Variants in CCDC83 observed in about 807,000 individuals in gnomAD.
CCDC83 encodes the protein coiled-coil domain containing 83, also known as coiled-coil domain-containing protein 83.
CCDC83 carries 54 observed loss-of-function variants against 50.1 expected under a neutral mutation model. The observed-to-expected ratio is 1.08, with a 90% CI of 0.87 to 1.35. The LOEUF (loss-of-function observed/expected upper bound fraction) is 1.35. CCDC83 is among the 40% of genes most tolerant of loss of function. The pLI is 0.00. For synonymous variants in CCDC83, 161 were observed against 153.3 expected (o/e 1.05, Z -0.37); for missense variants, 518 against 473.9 (o/e 1.09, Z -0.86).
chr11:85,889,057 G>A (rs1391194554), intron 5 of CCDC83, among the ~76,000 whole-genome samples: 4 of 152,224 alleles, frequency 2.6e-5, no homozygotes, highest in Admixed American at 2.6e-4. Context: ...TTGATCAGAA[G>A]TTTGGATGAT....
intron 1 of CCDC83, 140 bp downstream of exon 1, chr11:85,855,724 C>T (rs943371754): frequency 6.6e-6 from 1 of 152,310 alleles, no homozygotes; most frequent in African/African-American, 2.4e-5. Flanking sequence ...GCCCGGACAG[C>T]AACTAGGACA....
intron 3 of CCDC83, among the ~76,000 whole-genome samples, chr11:85,875,294 G>A (rs1009667598): frequency 6.6e-6 from 1 of 152,220 alleles, no homozygotes; most frequent in Non-Finnish European, 1.5e-5. Flanking sequence ...CAGGAAGGCG[G>A]GTTATCAATA....
intron 2 of CCDC83, among the ~76,000 whole-genome samples, chr11:85,871,173 AC>A (rs199772738): frequency 3.4e-5 from 5 of 147,756 alleles, no homozygotes; most frequent in African/African-American, 7.3e-5. Context: ...TTTCAAAAAA[AC>A]AAACAAACAA....
intron 6 of CCDC83, among the ~76,000 whole-genome samples, chr11:85,895,894 G>A (rs895239322): frequency 7.9e-5 from 12 of 152,108 alleles, no homozygotes; most frequent in African/African-American, 2.9e-4. Context: ...GCTCACTGCA[G>A]TCTTCACCTT....
chr11:85,905,642 T>C (rs111960287), intron 7 of CCDC83, among the ~76,000 whole-genome samples: 2,382 of 148,992 alleles, frequency 0.016, 70 homozygotes, highest in African/African-American at 0.055. Context: ...GTATTAACAA[T>C]TTTAAAACCT....
At chr11:85,895,271 T>TTTC in intron 5 of CCDC83, 22 bp from the exon 6 acceptor site, 1 of 723,718 alleles carries the variant, frequency 1.4e-6, no homozygotes. Flanking sequence ...TTTCTTTTTT[T>TTTC]TTTTTTTTTT....
chr11:85,911,130 C>G (rs1476893578), intron 7 of CCDC83, 151 bp from the exon 8 acceptor site: 3 of 551,788 alleles, frequency 5.4e-6, no homozygotes, highest in Non-Finnish European at 8.4e-6. Context: ...AAGATTGCAC[C>G]ACCGCACTCC....
At chr11:85,869,531 G>T (rs1345276648) in intron 2 of CCDC83, among the ~76,000 whole-genome samples, 1 of 152,172 alleles carries the variant, frequency 6.6e-6, no homozygotes. Context: ...TGCATGGGTG[G>T]GGGGAACATT....
chr11:85,881,319 G>A (rs1281632751), intron 3 of CCDC83, among the ~76,000 whole-genome samples: 1 of 151,738 alleles, frequency 6.6e-6, no homozygotes, highest in East Asian at 1.9e-4. Context: ...GTTGCAGTGA[G>A]CCAAGATCCC....
chr11:85,873,175 A>G (rs567227723), intron 2 of CCDC83, 36 bp from the exon 3 acceptor site: 2 of 1,134,122 alleles, frequency 1.8e-6, no homozygotes, highest in South Asian at 3.0e-5. Flanking sequence ...CCTAAGATAA[A>G]TGATTCTAAC....
intron 7 of CCDC83, among the ~76,000 whole-genome samples, chr11:85,901,212 A>G (rs1478707268): frequency 1.3e-5 from 2 of 152,186 alleles, no homozygotes; most frequent in East Asian, 1.9e-4. Flanking sequence ...ATATATATAT[A>G]TATTTTAAAT....
chr11:85,876,008 A>G (rs1381764344), intron 3 of CCDC83, among the ~76,000 whole-genome samples: 2 of 151,836 alleles, frequency 1.3e-5, no homozygotes, highest in African/African-American at 4.8e-5. Context: ...GGTCCAATAG[A>G]CTCTTTTTAG....
intron 5 of CCDC83, among the ~76,000 whole-genome samples, chr11:85,893,434 C>T (rs1344423992): frequency 1.3e-5 from 2 of 152,198 alleles, no homozygotes; most frequent in Non-Finnish European, 2.9e-5. Flanking sequence ...ATCTCCTTCC[C>T]TACAGCATAA....
In CCDC83 at chr11:85,886,266, G is replaced by A; in HGVS notation, c.410G>A (p.Trp137Ter). The A allele has an allele frequency of 6.2e-7, 1 of 1,608,074 alleles. No individual in the cohort carries two copies. The highest frequency in any genetic ancestry group is 8.5e-7 in the Non-Finnish European group (1 of 1,177,866). ...FLEKLSEKEYWEEYKNVGSER... is the reference protein window; with the variant it reads ...FLEKLSEKEY ...GAGAAACTCAGTGAAAAGGAATATT[G>A]GGAGGAGTACAAGAATGTAGGGAGT... is the stretch of plus-strand genomic sequence containing the variant. Residue 137 changes from tryptophan (W) to a stop codon, truncating the protein, a stop_gained, in exon 5 of 11, where the codon TGG (tryptophan) becomes TAG (stop). Transcript: ENST00000342404. LOFTEE classifies it high-confidence loss of function.
At chr11:85,893,577 G>A (rs1013581642) in intron 5 of CCDC83, among the ~76,000 whole-genome samples, 3 of 152,202 alleles carry the variant, frequency 2.0e-5, no homozygotes, top group African/African-American at 4.8e-5. Context: ...GTTAAGAACC[G>A]GGCCACACAG....
At chr11:85,888,433 GA>G (rs1432086462) in intron 5 of CCDC83, among the ~76,000 whole-genome samples, 1 of 152,154 alleles carries the variant, frequency 6.6e-6, no homozygotes, top group African/African-American at 2.4e-5. Context: ...AGAGCTATAT[GA>G]ATTTCCTTTT....
At chr11:85,913,557 T>C (rs1358654568) in intron 8 of CCDC83, among the ~76,000 whole-genome samples, 3 of 152,234 alleles carry the variant, frequency 2.0e-5, no homozygotes, top group African/African-American at 7.2e-5. Context: ...TGTAAAATAC[T>C]AGTAGGGTGA....
chr11:85,886,523 C>A (rs1215820055), intron 5 of CCDC83, among the ~76,000 whole-genome samples, 156 bp downstream of exon 5: 1 of 151,952 alleles, frequency 6.6e-6, no homozygotes, highest in Non-Finnish European at 1.5e-5. Flanking sequence ...AGGGAGGAAG[C>A]AGAAAAATGA....
intron 5 of CCDC83, among the ~76,000 whole-genome samples, chr11:85,890,509 C>T (rs1306223718): frequency 6.6e-6 from 1 of 152,252 alleles, no homozygotes; most frequent in South Asian, 2.1e-4. Flanking sequence ...CTTCTAAGGA[C>T]AGTACTTGCC....
Sources: gnomAD v4.1 joint callset for allele counts (sites outside exome capture counted in the v4.1 genomes callset) on GRCh38, gnomAD v4.1.1 for gene constraint, MANE v1.5 for transcripts, NCBI Gene and HGNC (gene_info 2026-07-23, HGNC 2026-07-21) for gene names.